The following MSANTD2 variants were observed in gnomAD, a reference collection of about 807,000 sequenced individuals.
The protein encoded by MSANTD2 is Myb/SANT DNA binding domain containing 2.
In MSANTD2, 19 loss-of-function variants were observed where a neutral mutation model predicts 52.6. The ratio of observed to expected loss-of-function variants is 0.36; its 90% CI spans 0.25 to 0.53. MSANTD2 has a LOEUF of 0.53. Ranked by LOEUF, MSANTD2 falls within the 20% of genes least tolerant of loss-of-function variation. MSANTD2 has a pLI of 0.91. For synonymous variants in MSANTD2, 291 were observed against 289.7 expected, an observed-to-expected ratio of 1.00 and a Z score of -0.04; for missense variants, 558 against 716.3, an observed-to-expected ratio of 0.78 and a Z score of 2.52.
In MSANTD2 at chr11:124,800,193, G is replaced by C. The variant is rs750947786; in HGVS notation, c.188C>G (p.Ser63Cys). 32 of 1,471,552 alleles carry C rather than the reference G, an allele frequency of 2.2e-5. No homozygotes were observed. The highest frequency in any genetic ancestry group is 2.9e-5 in the Non-Finnish European group (32 of 1,114,238). The allele number at this position is 1,471,552 out of a possible 1,614,324, so 91.2% of individuals were successfully genotyped here. Reference sequence around the variant, plus strand: ...CCCCAGCCCCAGCCCGAGACCCCCGGACGCCGCTGCCCCCGAGCCCGCCGC... The same window carrying C: ...CCCCAGCCCCAGCCCGAGACCCCCGCACGCCGCTGCCCCCGAGCCCGCCGC... The part of the protein sequence containing the change: ...GSAAGSGAAA[S>C]GGLGLGLGGR... The change falls in exon 1 of 4, where the codon TCC becomes TGC. Residue 63 changes from serine to cysteine, a missense_variant. This residue lies in a region of MSANTD2 where 150 missense variants were observed against 142.7 expected (regional missense o/e 1.05). Transcript: ENST00000374979. The surrounding 1 kb of genome is among the most constrained non-coding windows in gnomAD (Gnocchi z 4.3).
At chr11:124,795,248 C>G (rs528017253) in intron 1 of MSANTD2, among the ~76,000 whole-genome samples, 1 of 152,272 alleles carries the variant, frequency 6.6e-6, no homozygotes, top group South Asian at 2.1e-4. Flanking sequence ...TCTTTTAGGT[C>G]ACATTCAATC....
At chr11:124,781,183 C>CAAA (rs373484883) in intron 1 of MSANTD2, among the ~76,000 whole-genome samples, 1 of 62,954 alleles carries the variant, frequency 1.6e-5, no homozygotes, top group Admixed American at 1.9e-4. Flanking sequence ...GTCTCTGTCT[C>CAAA]AAAAAAAAAA....
chr11:124,775,516 T>C (rs912968306), intron 1 of MSANTD2: 2 of 153,336 alleles, frequency 1.3e-5, no homozygotes, highest in Non-Finnish European at 2.9e-5. Flanking sequence ...TACATAGTTG[T>C]ATTCCTTACT....
At chr11:124,783,237 C>T (rs1027623038) in intron 1 of MSANTD2, among the ~76,000 whole-genome samples, 1 of 152,180 alleles carries the variant, frequency 6.6e-6, no homozygotes, top group Non-Finnish European at 1.5e-5. Context: ...GCACTTCATT[C>T]TGAATCTGGC....
intron 2 of MSANTD2, 51 bp from the exon 3 acceptor site, chr11:124,773,105 G>T: frequency 9.6e-7 from 1 of 1,046,008 alleles, no homozygotes. Context: ...GTGGTGGCAT[G>T]CATGTATGTA....
intron 1 of MSANTD2, among the ~76,000 whole-genome samples, chr11:124,788,748 T>C (rs140768555): frequency 6.0e-4 from 92 of 152,296 alleles, no homozygotes; most frequent in African/African-American, 2.0e-3. Context: ...TGCTGCTTGG[T>C]AGTACAAACC....
intron 1 of MSANTD2, among the ~76,000 whole-genome samples, chr11:124,776,785 G>A (rs536105766): frequency 6.6e-6 from 1 of 152,302 alleles, no homozygotes; most frequent in East Asian, 1.9e-4. Context: ...AAAGCCAGCC[G>A]GCCTACCCCC....
intron 3 of MSANTD2, among the ~76,000 whole-genome samples, chr11:124,772,713 G>T (rs556468532): frequency 7.0e-5 from 10 of 142,364 alleles, no homozygotes; most frequent in Non-Finnish European, 1.5e-4. Flanking sequence ...CACCAGCCTG[G>T]GTGACAGAGC....
At chr11:124,772,435 C>T (rs1944560663) in intron 3 of MSANTD2, among the ~76,000 whole-genome samples, 2 of 152,284 alleles carry the variant, frequency 1.3e-5, no homozygotes, top group South Asian at 2.1e-4. Context: ...AGCTAAGATA[C>T]GAAAGAACGT....
Position 124,767,301 on chromosome 11 carries a change from G to A in MSANTD2, c.1555C>T (p.Pro519Ser), listed in dbSNP as rs1591435796. ...GFLSQNCIVD[P>S]GVSPKSIYIK... ...TAGATGGATTTGGGGGAAACTCCGG[G>A]ATCCACAATACAGTTCTGAGACAAA... The change falls in exon 4 of 4, where the codon CCC becomes TCC. Residue 519 changes from proline (P) to serine (S), a missense_variant. This residue lies in a region of MSANTD2 where 408 missense variants were observed against 573.6 expected (regional missense o/e 0.71). Coordinates refer to ENST00000374979, the MANE Select transcript of MSANTD2 (RefSeq NM_001308027.2). This position sits in a 1 kb window ranked among gnomAD's most constrained non-coding sequence, Gnocchi z 6.5. 1 of 1,614,202 alleles carries A rather than the reference G, an allele frequency of 6.2e-7. No homozygotes were observed. Among genetic ancestry groups the A allele is most frequent in the East Asian group, 2.2e-5 (1 of 44,892 alleles).
chr11:124,766,555 T>C lies in MSANTD2; in HGVS notation c.*621A>G, dbSNP rs1435705994. 6.6e-6 allele frequency: 1 copy of C among 152,396 alleles called. No individual in the cohort carries two copies. The highest frequency in any genetic ancestry group is 1.9e-4 in the East Asian group (1 of 5,198). 9.4% of individuals were successfully genotyped at this position (152,396 alleles called of 1,614,324 possible). A position where few individuals can be genotyped will look rare whatever the true frequency, so the allele number is the denominator to read the frequency against. On this transcript the variant is annotated 3_prime_UTR_variant, in exon 4 of 4. Transcript: ENST00000374979. The stretch of plus-strand genomic sequence containing the variant: ...AAAAAGGTTTAAATGGCAACACAAC[T>C]GTAAAGTTGGTACATCACAGAAACA...
At chr11:124,799,179 C>T (rs1320996056) in intron 1 of MSANTD2, among the ~76,000 whole-genome samples, 2 of 152,208 alleles carry the variant, frequency 1.3e-5, no homozygotes, top group Non-Finnish European at 2.9e-5. Context: ...GGCCTCAAGC[C>T]AATCTAACTC....
At chr11:124,776,005 A>G (rs1944729401) in intron 1 of MSANTD2, 1 of 152,142 alleles carries the variant, frequency 6.6e-6, no homozygotes, top group African/African-American at 2.4e-5. Context: ...TTAAGTTGCA[A>G]CCAGTCTCTA....
Position 124,767,234 on chromosome 11 carries a change from C to A in MSANTD2, c.1622G>T (p.Gly541Val). The A allele has an allele frequency of 6.2e-7, 1 of 1,613,722 alleles. No homozygotes were observed. Among genetic ancestry groups the A allele is most frequent in the Non-Finnish European group, 8.5e-7 (1 of 1,179,912 alleles). The part of the protein sequence containing the change: ...VEVERDFLSA[G>V]SLVECLEKAI... ...TTTTTCCAGGCACTCAACTAAAGAG[C>A]CTGCGGAAAGAAAATCCCTCTCTAC... The change falls in exon 4 of 4, where the codon GGC becomes GTC. Residue 541 changes from glycine to valine, a missense_variant. Physicochemically the swap from Gly to Val is moderately radical, Grantham distance 109. Coordinates refer to ENST00000374979, the MANE Select transcript of MSANTD2 (RefSeq NM_001308027.2). The surrounding 1 kb of genome is among the most constrained non-coding windows in gnomAD (Gnocchi z 6.5).
intron 1 of MSANTD2, among the ~76,000 whole-genome samples, chr11:124,778,868 T>C (rs1040652552): frequency 1.3e-5 from 2 of 151,830 alleles, no homozygotes; most frequent in African/African-American, 2.4e-5. Flanking sequence ...GGGGAGTCTA[T>C]GGGGGAGGGG....
intron 1 of MSANTD2, chr11:124,784,305 G>T (rs1945087020): frequency 4.1e-6 from 4 of 985,254 alleles, no homozygotes; most frequent in Non-Finnish European, 4.8e-6. Flanking sequence ...CATCAAAGAG[G>T]TATTCAGATA....
intron 1 of MSANTD2, among the ~76,000 whole-genome samples, chr11:124,796,230 T>C (rs1945487741): frequency 6.6e-6 from 1 of 152,180 alleles, no homozygotes; most frequent in Admixed American, 6.5e-5. Flanking sequence ...CCAAAGAAGG[T>C]AAGTGACATG....
chr11:124,788,470 A>AT (rs1033840764), intron 1 of MSANTD2, among the ~76,000 whole-genome samples: 1 of 152,152 alleles, frequency 6.6e-6, no homozygotes, highest in African/African-American at 2.4e-5. Flanking sequence ...AGAAGTTAGA[A>AT]TTTTTTTCCT....
chr11:124,799,959 G>C lies in MSANTD2; in HGVS notation c.422C>G (p.Pro141Arg), dbSNP rs1001735103. ...GAGTVFGSKA[P>R]GPAMYERVSR... is the part of the protein sequence containing the mutation. ...CACGCGCTCGTACATGGCTGGCCCG[G>C]GGGCCTTGCTGCCGAACACCGTGCC... is the stretch of plus-strand genomic sequence containing the variant. Residue 141 changes from proline (P) to arginine (R), a missense_variant, in exon 1 of 4, where the codon CCC (proline) becomes CGC (arginine). This residue lies in a region of MSANTD2 where 408 missense variants were observed against 573.6 expected (regional missense o/e 0.71). Coordinates refer to ENST00000374979, the MANE Select transcript of MSANTD2 (RefSeq NM_001308027.2). The C allele has an allele frequency of 6.3e-7, 1 of 1,585,470 alleles. No individual in the cohort carries two copies. The highest frequency in any genetic ancestry group is 8.5e-7 in the Non-Finnish European group (1 of 1,174,720).
Sources: gnomAD v4.1 joint callset for allele counts (sites outside exome capture counted in the v4.1 genomes callset) on GRCh38, gnomAD v4.1.1 for gene constraint, gnomAD v4.1.1 regional missense constraint, Gnocchi (gnomAD v3.1) non-coding constraint, MANE v1.5 for transcripts, NCBI Gene and HGNC (gene_info 2026-07-23, HGNC 2026-07-21) for gene names.